The following NPHS1 variants were observed in gnomAD, a reference collection of about 807,000 sequenced individuals.
The protein encoded by NPHS1 is nephrin.
In NPHS1, 107 loss-of-function variants were observed where a neutral mutation model predicts 139.7. That is an observed-to-expected ratio of 0.77 (90% CI 0.66 to 0.90). The LOEUF is 0.90. NPHS1 is among the 40% of genes least tolerant of loss of function. The pLI is 0.00. For synonymous variants in NPHS1, 707 were observed against 706.6 expected (o/e 1.00, Z -0.01); for missense variants, 1,580 against 1,654.2 (o/e 0.96, Z 0.78).
intron 25 of NPHS1, 48 bp from the exon 26 acceptor site, chr19:35,831,419 C>T: frequency 1.9e-6 from 3 of 1,613,106 alleles, no homozygotes; most frequent in Non-Finnish European, 2.5e-6. Flanking sequence ...CCCCCCGCCA[C>T]CAGTCTCCCC....
In NPHS1 at chr19:35,834,696, C is replaced by A. The variant is rs189353556; in HGVS notation, c.3166+1009G>T. On this transcript the variant is annotated intron_variant, in intron 23 of 28. Transcript: ENST00000378910. ...CATGAGGTCAGGAGTTAAAGACCAT[C>A]CTGGCTAACGCGGTGAAACCTCATC... 4.6e-5 allele frequency among the ~76,000 whole-genome samples: 7 copies of A among 151,448 alleles called. No individual in the cohort carries two copies. In the East Asian group the frequency reaches 1.4e-3, roughly 30 times the overall value.
chr19:35,833,972 G>C lies in NPHS1; in HGVS notation c.3166+1733C>G, dbSNP rs546749934. Among the ~76,000 whole-genome samples the C allele has an allele frequency of 2.6e-5, 4 of 152,204 alleles. No homozygotes were observed. In the East Asian group the frequency reaches 7.7e-4, roughly 29 times the overall value. On this transcript the variant is annotated intron_variant, in intron 23 of 28. Transcript: ENST00000378910. ...CTGCCTCAGCCTCCCAAAGTTCCGG[G>C]ATTATAGGCATGAGCCACTGTGCCC...
chr19:35,846,269 C>CA (rs1396668842), intron 11 of NPHS1, 75 bp from the exon 12 acceptor site: 1 of 1,469,572 alleles, frequency 6.8e-7, no homozygotes, highest in Non-Finnish European at 9.2e-7. Context: ...CTACCCTGCC[C>CA]ACTGGGTTGG....
chr19:35,838,006 C>G (rs1018297897), intron 22 of NPHS1, among the ~76,000 whole-genome samples: 1 of 145,020 alleles, frequency 6.9e-6, no homozygotes, highest in African/African-American at 2.6e-5. Flanking sequence ...AATCCCAACA[C>G]TTTGGGAGAC....
At chr19:35,850,466 A>G in intron 4 of NPHS1, 21 bp from the exon 5 acceptor site, 5 of 1,608,644 alleles carry the variant, frequency 3.1e-6, no homozygotes, top group Non-Finnish European at 4.3e-6. Context: ...CAAGAGGGCT[A>G]GAGGGGTTCC....
rs34982899 is a variant in NPHS1, at chr19:35,849,285, G to C, written c.791C>G (p.Pro264Arg). 0.015 allele frequency: 24,031 copies of C among 1,613,038 alleles called. 229 individuals are homozygous for C. Among genetic ancestry groups the C allele is most frequent in the Middle Eastern group, 0.029 (164 of 5,668 alleles). Residue 264 changes from proline (P) to arginine (R), a missense_variant, in exon 7 of 29, where the codon CCG (proline) becomes CGG (arginine). Pro to Arg is a moderately radical substitution (Grantham distance 103). Transcript: ENST00000378910. ...HVRAGQSLEL[P>R]CVARGGNPLA... is the part of the protein sequence containing the mutation. ...GGGATTACCCCCTCGGGCCACGCAC[G>C]GCAGCTCCAAGCTCTGTCCTGCCCG...
chr19:35,850,593 C>G, intron 4 of NPHS1, 148 bp from the exon 5 acceptor site: 2 of 764,818 alleles, frequency 2.6e-6, no homozygotes, highest in South Asian at 3.0e-5. Flanking sequence ...TGCATCCCCT[C>G]CCGACTTTCT....
At chr19:35,833,149 G>A (rs575740747) in intron 23 of NPHS1, among the ~76,000 whole-genome samples, 3 of 151,582 alleles carry the variant, frequency 2.0e-5, no homozygotes, top group South Asian at 2.1e-4. Context: ...CCACCTTGGC[G>A]TCCCAAAGTG....
rs772566592 is a variant in NPHS1, at chr19:35,845,644, G to T, written c.1757+25C>A. ...GGAGGGGGCGAGGCCAGACCAGAGA[G>T]GGGAGGGATCCCTCGCACTCCCACC... On this transcript the variant is annotated intron_variant, in intron 13 of 28. Coordinates refer to ENST00000378910, the MANE Select transcript of NPHS1 (RefSeq NM_004646.4). The surrounding 1 kb of genome is among the most constrained non-coding windows in gnomAD (Gnocchi z 5.5). 1 of 1,612,060 alleles carries T rather than the reference G, an allele frequency of 6.2e-7. No homozygotes were observed. Among genetic ancestry groups the T allele is most frequent in the South Asian group, 1.1e-5 (1 of 90,698 alleles).
At chr19:35,826,702 G>A (rs1213855133) in intron 28 of NPHS1, 57 bp from the exon 29 acceptor site, 2 of 1,596,800 alleles carry the variant, frequency 1.3e-6, no homozygotes, top group Non-Finnish European at 1.7e-6. Flanking sequence ...GGTCTTCATT[G>A]AAGATCTGGG....
chr19:35,851,688 G>A lies in NPHS1; in HGVS notation c.59-16C>T, dbSNP rs765762816. ...TGCGCCAGGCCTGAGGACACAGCGCGGTGCAAGGAAAGGGCAGAGGGTTTG... is the reference window on the plus strand; with the variant it reads ...TGCGCCAGGCCTGAGGACACAGCGCAGTGCAAGGAAAGGGCAGAGGGTTTG... On this transcript the variant is annotated splice_polypyrimidine_tract_variant and intron_variant, in intron 1 of 28. Transcript: ENST00000378910. The A allele has an allele frequency of 1.4e-4, 226 of 1,605,088 alleles. 1 individual carries two copies. Among genetic ancestry groups the A allele is most frequent in the Non-Finnish European group, 1.8e-4 (215 of 1,175,892 alleles).
rs2146827171 is a variant in NPHS1, at chr19:35,848,748, C to T, written c.1059G>A (p.Glu353=). 1 of 1,614,176 alleles carries T rather than the reference C, an allele frequency of 6.2e-7. No individual in the cohort carries two copies. The highest frequency in any genetic ancestry group is 1.1e-5 in the South Asian group (1 of 91,084). ...IIILGSASQT[E]NKNVTLSCVS... ...CACAGGAGAGTGTCACGTTCTTGTT[C>T]TCAGTCTGGGATGCAGATCCCAAGA... is the stretch of plus-strand genomic sequence containing the variant. Residue 353 remains glutamate (E), a synonymous_variant, in exon 9 of 29, where the codon GAG becomes GAA. Transcript: ENST00000378910.
rs777436326 is a variant in NPHS1 at position 35,830,924 on chromosome 19, G to C, written c.3514C>G (p.Pro1172Ala). ...FTGEDEDMAF[P>A]GHLYDEVERT... ...TCTACCTCATCATACAAGTGCCCAGGGAAGGCCATATCCTCATCTTCACCT... is the reference window on the plus strand; with the variant it reads ...TCTACCTCATCATACAAGTGCCCAGCGAAGGCCATATCCTCATCTTCACCT... The change falls in exon 28 of 29, where the codon CCT becomes GCT. Residue 1172 changes from proline to alanine, a missense_variant. Physicochemically the swap from Pro to Ala is conservative, Grantham distance 27 (BLOSUM62 -1). Transcript: ENST00000378910. 1 of 1,614,008 alleles carries C rather than the reference G, an allele frequency of 6.2e-7. No individual in the cohort carries two copies. The highest frequency in any genetic ancestry group is 1.1e-5 in the South Asian group (1 of 91,072).
intron 28 of NPHS1, among the ~76,000 whole-genome samples, chr19:35,829,329 T>C (rs953519644): frequency 3.3e-5 from 5 of 152,234 alleles, no homozygotes; most frequent in East Asian, 1.9e-4. Flanking sequence ...TACTCTTTCT[T>C]TGAAGATTTC....
chr19:35,843,643 G>A (rs202199957), intron 16 of NPHS1, 50 bp from the exon 17 acceptor site: 1 of 1,605,354 alleles, frequency 6.2e-7, no homozygotes, highest in African/African-American at 1.3e-5. Flanking sequence ...AGACAGGTCT[G>A]GGTGTGAGAG....
At position 35,848,386 on chromosome 19, in the gene NPHS1, G is replaced by A. The variant is rs1194525639; in HGVS notation, c.1182C>T (p.Gly394=). The change falls in exon 10 of 29, where the codon GGC becomes GGT. Residue 394 remains glycine (G), a synonymous_variant. Coordinates refer to ENST00000378910, the MANE Select transcript of NPHS1 (RefSeq NM_004646.4). ...MEETVMDGLH[G]GHISMSNLTF... ...TCAGGTTGGACATGGAGATGTGACC[G>A]CCATGCAGTCCCTGGCAGGGAGTGA... The A allele has an allele frequency of 3.7e-6, 6 of 1,614,008 alleles. No individual in the cohort carries two copies. Among genetic ancestry groups the A allele is most frequent in the African/African-American group, 1.3e-5 (1 of 74,906 alleles).
chr19:35,849,439 C>T lies in NPHS1; in HGVS notation c.713-76G>A, dbSNP rs1973196035. ...CCAGGCCCCACAACCTGCCTTTGAA[C>T]CCCCATGTTTCTCTGAGTGCCTGAA... On this transcript the variant is annotated intron_variant, in intron 6 of 28. Transcript: ENST00000378910. 1.6e-5 allele frequency: 26 copies of T among 1,596,998 alleles called. No individual in the cohort carries two copies. The South Asian group carries it at 2.9e-4, about 18-fold the overall frequency.
rs766396905 is a variant in NPHS1, at chr19:35,830,835, G to A, written c.3594+9C>T. 1 of 1,538,008 alleles carries A rather than the reference G, an allele frequency of 6.5e-7. No homozygotes were observed. Among genetic ancestry groups the A allele is most frequent in the Middle Eastern group, 1.7e-4 (1 of 5,898 alleles). ...CAGGAAGGATGGTTGCTGATGCAAA[G>A]CTTCTCACCATCTGCACTTCATCGT... On this transcript the variant is annotated intron_variant, in intron 28 of 28. Transcript: ENST00000378910.
chr19:35,843,989 AG>A, intron 16 of NPHS1, 113 bp downstream of exon 16: 2 of 1,424,044 alleles, frequency 1.4e-6, no homozygotes, highest in South Asian at 1.3e-5. Context: ...CCAGAACGGG[AG>A]GGTTCCAGGA....
Sources: allele counts gnomAD v4.1 joint callset (sites outside exome capture counted in the v4.1 genomes callset), GRCh38; gene constraint gnomAD v4.1.1; non-coding constraint Gnocchi (gnomAD v3.1); transcripts MANE v1.5; gene names NCBI Gene and HGNC (gene_info 2026-07-23, HGNC 2026-07-21).